Variants in TBC1D4 observed in about 807,000 individuals in gnomAD.
TBC1D4 encodes the protein TBC1 domain family member 4.
TBC1D4 carries 121 observed loss-of-function variants against 142.5 expected under a neutral mutation model. The ratio of observed to expected loss-of-function variants is 0.85; its 90% CI spans 0.73 to 0.99. TBC1D4 has a LOEUF of 0.99. Ranked by LOEUF, TBC1D4 falls within the 50% of genes least tolerant of loss-of-function variation. The pLI is 0.00. For synonymous variants in TBC1D4, 630 were observed against 628.2 expected, an observed-to-expected ratio of 1.00 and a Z score of -0.04; for missense variants, 1,475 against 1,606.6, an observed-to-expected ratio of 0.92 and a Z score of 1.40.
intron 4 of TBC1D4, 115 bp downstream of exon 4, chr13:75,356,032 G>T: frequency 1.3e-6 from 1 of 782,284 alleles, no homozygotes. Flanking sequence ...ATTTCTAGAC[G>T]CCTTCTTCTT....
chr13:75,316,456 G>C (rs1566371401), intron 12 of TBC1D4: 1 of 152,200 alleles, frequency 6.6e-6, no homozygotes, highest in South Asian at 2.1e-4. Context: ...ATAATATACT[G>C]AAAAGAAGAA....
chr13:75,481,195 T>TGC, intron 1 of TBC1D4, 75 bp downstream of exon 1: 1,528 of 1,292,028 alleles, frequency 1.2e-3, no homozygotes, highest in Middle Eastern at 3.1e-3. Flanking sequence ...TAAAGTGGGG[T>TGC]CCCCGCCCCT....
At chr13:75,370,021 A>G (rs1460639303) in intron 1 of TBC1D4, among the ~76,000 whole-genome samples, 1 of 152,184 alleles carries the variant, frequency 6.6e-6, no homozygotes, top group Non-Finnish European at 1.5e-5. Flanking sequence ...TTTGAGGAAA[A>G]CCATTGCAAT....
intron 8 of TBC1D4, among the ~76,000 whole-genome samples, chr13:75,331,196 T>C (rs939726704): frequency 6.6e-6 from 1 of 152,178 alleles, no homozygotes; most frequent in Non-Finnish European, 1.5e-5. Flanking sequence ...ACTTGCACTT[T>C]ATATTAGTAA....
At chr13:75,465,747 G>A (rs1888139819) in intron 1 of TBC1D4, among the ~76,000 whole-genome samples, 1 of 152,098 alleles carries the variant, frequency 6.6e-6, no homozygotes, top group Admixed American at 6.5e-5. Context: ...GACTCTTTAA[G>A]TCTGACAAGA....
intron 1 of TBC1D4, chr13:75,375,829 G>A (rs1883474579): frequency 1.4e-5 from 2 of 138,698 alleles, no homozygotes. Flanking sequence ...TAAGCAAGCT[G>A]CCACAAAACA....
intron 5 of TBC1D4, among the ~76,000 whole-genome samples, chr13:75,341,896 A>G (rs1880738545): frequency 6.6e-6 from 1 of 152,192 alleles, no homozygotes; most frequent in Admixed American, 6.5e-5. Context: ...AGTTTTCAGA[A>G]ACTTTTCCTC....
intron 4 of TBC1D4, among the ~76,000 whole-genome samples, chr13:75,353,854 G>A (rs939918554): frequency 1.3e-5 from 2 of 152,126 alleles, no homozygotes; most frequent in Non-Finnish European, 2.9e-5. Flanking sequence ...CTTCCCAGCC[G>A]GACAGTATGA....
intron 1 of TBC1D4, among the ~76,000 whole-genome samples, chr13:75,417,217 T>C (rs1264216664): frequency 1.3e-5 from 2 of 152,118 alleles, no homozygotes; most frequent in Non-Finnish European, 2.9e-5. Context: ...CTCGCTGAAA[T>C]GGGGCTCACA....
At chr13:75,353,174 A>G (rs1408974952) in intron 4 of TBC1D4, among the ~76,000 whole-genome samples, 2 of 152,204 alleles carry the variant, frequency 1.3e-5, no homozygotes, top group Non-Finnish European at 2.9e-5. Flanking sequence ...TGCTAGGTGG[A>G]AAAATGCAGC....
At chr13:75,317,917 T>A (rs1878449658) in intron 12 of TBC1D4, among the ~76,000 whole-genome samples, 1 of 152,214 alleles carries the variant, frequency 6.6e-6, no homozygotes, top group South Asian at 2.1e-4. Context: ...GTAGGAAGGC[T>A]ATTTCCAAGT....
At chr13:75,326,535 CA>C in intron 9 of TBC1D4, 112 bp from the exon 10 acceptor site, 1 of 1,155,216 alleles carries the variant, frequency 8.7e-7, no homozygotes, top group Non-Finnish European at 1.3e-6. Flanking sequence ...TGAGTCATGA[CA>C]AAACTGTTTT....
rs76460510 is a variant in TBC1D4 at position 75,283,908 on chromosome 13, C to CTT, written c.*2882_*2883dup. Among the ~76,000 whole-genome samples the CTT allele has an allele frequency of 6.4e-4, 96 of 151,150 alleles. No individual in the cohort carries two copies. The highest frequency in any genetic ancestry group is 3.4e-3 in the Middle Eastern group (1 of 294). ...CTTTTTTGTTTGGTTGTTTGTTTTT[C>CTT]TTTTTTTTTGTCAAAGTCTCACTCT... On this transcript the variant is annotated 3_prime_UTR_variant, in exon 21 of 21. Coordinates refer to ENST00000377636, the MANE Select transcript of TBC1D4 (RefSeq NM_014832.5).
At chr13:75,437,500 A>G (rs1344366391) in intron 1 of TBC1D4, among the ~76,000 whole-genome samples, 9 of 152,224 alleles carry the variant, frequency 5.9e-5, no homozygotes, top group Admixed American at 5.9e-4. Flanking sequence ...ACTCTAAAAC[A>G]AAAAGGTTTC....
At chr13:75,457,262 TATTA>T (rs1451576779) in intron 1 of TBC1D4, among the ~76,000 whole-genome samples, 1 of 152,216 alleles carries the variant, frequency 6.6e-6, no homozygotes, top group Admixed American at 6.5e-5. Context: ...ATGGTTTATG[TATTA>T]ATTAATACTG....
At chr13:75,449,401 C>T (rs1887435324) in intron 1 of TBC1D4, among the ~76,000 whole-genome samples, 1 of 151,810 alleles carries the variant, frequency 6.6e-6, no homozygotes, top group South Asian at 2.1e-4. Flanking sequence ...CTAATGATAA[C>T]ATTGAACAAC....
intron 1 of TBC1D4, among the ~76,000 whole-genome samples, chr13:75,426,041 T>C (rs992833052): frequency 1.3e-5 from 2 of 152,214 alleles, no homozygotes; most frequent in African/African-American, 4.8e-5. Flanking sequence ...CTACAATGTA[T>C]ATGGGTATCA....
At chr13:75,456,471 T>G (rs1029497850) in intron 1 of TBC1D4, among the ~76,000 whole-genome samples, 1 of 152,136 alleles carries the variant, frequency 6.6e-6, no homozygotes, top group African/African-American at 2.4e-5. Flanking sequence ...TAAGACAATT[T>G]TTTTAATGGG....
chr13:75,378,621 G>A (rs1883650251), intron 1 of TBC1D4, among the ~76,000 whole-genome samples: 1 of 152,098 alleles, frequency 6.6e-6, no homozygotes, highest in Non-Finnish European at 1.5e-5. Context: ...GTGTAGGAAT[G>A]AGGACCTATG....
Sources: gnomAD v4.1 joint callset for allele counts (sites outside exome capture counted in the v4.1 genomes callset) on GRCh38, gnomAD v4.1.1 for gene constraint, MANE v1.5 for transcripts, NCBI Gene and HGNC (gene_info 2026-07-23, HGNC 2026-07-21) for gene names.